Variants in RANBP10 observed in about 807,000 individuals in gnomAD.
The protein encoded by RANBP10 is ran-binding protein 10.
In RANBP10, 24 loss-of-function variants were observed where a neutral mutation model predicts 72.8. The observed-to-expected ratio is 0.33, with a 90% CI of 0.24 to 0.46. RANBP10 has a LOEUF of 0.46. Among genes scored for constraint, RANBP10 ranks in the 20% least tolerant of loss-of-function variants. RANBP10 has a pLI of 1.00. For synonymous variants in RANBP10, 310 were observed against 322.3 expected, an observed-to-expected ratio of 0.96 and a Z score of 0.41; for missense variants, 679 against 817.5, an observed-to-expected ratio of 0.83 and a Z score of 2.07.
Position 67,726,194 on chromosome 16 carries a change from C to A in RANBP10, c.*234G>T, listed in dbSNP as rs2053594224. 2.0e-6 allele frequency: 1 copy of A among 506,460 alleles called. No homozygotes were observed. The highest frequency in any genetic ancestry group is 3.5e-6 in the Non-Finnish European group (1 of 287,186). The allele number at this position is 506,460 out of a possible 1,614,324, so 31.4% of individuals were successfully genotyped here. On this transcript the variant is annotated 3_prime_UTR_variant, in exon 14 of 14. Coordinates refer to ENST00000317506, the MANE Select transcript of RANBP10 (RefSeq NM_020850.3). Reference sequence around the variant, plus strand: ...ATAGAAGGCGCTACATGAGAGTAACCAGCCAATACTGTGTTACAGGCCGCT... The same window carrying A: ...ATAGAAGGCGCTACATGAGAGTAACAAGCCAATACTGTGTTACAGGCCGCT...
Position 67,729,214 on chromosome 16 carries a change from C to A in RANBP10, c.1352+66G>T. Reference sequence around the variant, plus strand: ...GGTGAAGGGCAGGGCGCTCAAAGGACAGACTGCAATGGGCCCAGCTGGCAT... The same window carrying A: ...GGTGAAGGGCAGGGCGCTCAAAGGAAAGACTGCAATGGGCCCAGCTGGCAT... On this transcript the variant is annotated intron_variant, in intron 10 of 13. Coordinates refer to ENST00000317506, the MANE Select transcript of RANBP10 (RefSeq NM_020850.3). The surrounding 1 kb of genome is among the most constrained non-coding windows in gnomAD (Gnocchi z 7.1). 6.3e-7 allele frequency: 1 copy of A among 1,580,290 alleles called. No homozygotes were observed. Among genetic ancestry groups the A allele is most frequent in the Admixed American group, 1.7e-5 (1 of 57,438 alleles).
intron 4 of RANBP10, among the ~76,000 whole-genome samples, chr16:67,742,588 G>T (rs1164067081): frequency 1.3e-5 from 2 of 152,186 alleles, no homozygotes; most frequent in Admixed American, 1.3e-4. Flanking sequence ...GGGACCTTGG[G>T]ACTTGACTGA....
chr16:67,776,445 G>T (rs2054706734), intron 2 of RANBP10, among the ~76,000 whole-genome samples: 1 of 110,060 alleles, frequency 9.1e-6, no homozygotes, highest in Non-Finnish European at 1.7e-5. Flanking sequence ...CCGGACAACA[G>T]ACACGGACTC....
At chr16:67,790,543 T>C (rs944578537) in intron 2 of RANBP10, among the ~76,000 whole-genome samples, 2 of 151,608 alleles carry the variant, frequency 1.3e-5, no homozygotes, top group African/African-American at 2.4e-5. Context: ...GGACCGCATC[T>C]GGCTTTTCCC....
At chr16:67,759,135 C>G (rs2054346126) in intron 3 of RANBP10, among the ~76,000 whole-genome samples, 1 of 152,246 alleles carries the variant, frequency 6.6e-6, no homozygotes, top group Non-Finnish European at 1.5e-5. Context: ...AAATACCAAA[C>G]CACCCTCTGT....
chr16:67,794,473 G>GT (rs2055089215), intron 2 of RANBP10, among the ~76,000 whole-genome samples: 1 of 149,540 alleles, frequency 6.7e-6, no homozygotes. Context: ...GGCCTGCTGT[G>GT]TATTTTTTAA....
rs187190595 is a variant in RANBP10, at chr16:67,742,751, G to A, written c.568+1537C>T. ...GTGAGGAAGGCAGCTATACAAGGGG[G>A]CAGGTGAAGTGGGGCTTGGATACAG... On this transcript the variant is annotated intron_variant, in intron 4 of 13. Transcript: ENST00000317506. Among the ~76,000 whole-genome samples the A allele has an allele frequency of 4.5e-3, 683 of 152,340 alleles. 6 individuals are homozygous for A. Among genetic ancestry groups the A allele is most frequent in the African/African-American group, 0.015 (637 of 41,578 alleles).
At chr16:67,769,767 A>G (rs1185748719) in intron 3 of RANBP10, among the ~76,000 whole-genome samples, 1 of 146,884 alleles carries the variant, frequency 6.8e-6, no homozygotes, top group East Asian at 2.0e-4. Flanking sequence ...AAAAAAAAAA[A>G]AAAAAAAAAG....
intron 6 of RANBP10, among the ~76,000 whole-genome samples, chr16:67,732,545 A>C (rs2053754564): frequency 6.6e-6 from 1 of 152,222 alleles, no homozygotes. Flanking sequence ...GATAATACAC[A>C]TAAAGTACCT....
intron 3 of RANBP10, among the ~76,000 whole-genome samples, chr16:67,744,825 T>C (rs1344225780): frequency 6.6e-6 from 1 of 152,190 alleles, no homozygotes; most frequent in Non-Finnish European, 1.5e-5. Context: ...TTAAAATGTT[T>C]TTTTTGTTTG....
chr16:67,741,713 C>T (rs2053972760), intron 4 of RANBP10, among the ~76,000 whole-genome samples: 1 of 152,204 alleles, frequency 6.6e-6, no homozygotes, highest in South Asian at 2.1e-4. Flanking sequence ...CCCTCAGATT[C>T]CAGCAAGAGA....
At chr16:67,760,086 C>A (rs761877902) in intron 3 of RANBP10, among the ~76,000 whole-genome samples, 1 of 145,854 alleles carries the variant, frequency 6.9e-6, no homozygotes, top group African/African-American at 2.6e-5. Flanking sequence ...GGTGACAGAG[C>A]GAGACTCCGT....
rs1431619870 is a variant in RANBP10 at position 67,795,734 on chromosome 16, A to G, written c.347+9694T>C. Among the ~76,000 whole-genome samples the G allele has an allele frequency of 5.3e-5, 8 of 151,012 alleles. No individual in the cohort carries two copies. The South Asian group carries it at 1.7e-3, about 32-fold the overall frequency. On this transcript the variant is annotated intron_variant, in intron 2 of 13. Transcript: ENST00000317506. Reference sequence around the variant, plus strand: ...GCCAGGTGCGGTGGCGGGCACCTGTAGTCCCAGCTACTCAGGAGGCTGAGG... The same window carrying G: ...GCCAGGTGCGGTGGCGGGCACCTGTGGTCCCAGCTACTCAGGAGGCTGAGG...
Position 67,723,211 on chromosome 16 carries a change from A to G in RANBP10, c.*3217T>C, listed in dbSNP as rs886963515. 3.9e-5 allele frequency: 6 copies of G among 152,650 alleles called. No homozygotes were observed. The highest frequency in any genetic ancestry group is 1.4e-4 in the African/African-American group (6 of 41,452). 9.5% of individuals were successfully genotyped at this position (152,650 alleles called of 1,614,324 possible). On this transcript the variant is annotated 3_prime_UTR_variant, in exon 14 of 14. Coordinates refer to ENST00000317506, the MANE Select transcript of RANBP10 (RefSeq NM_020850.3). ...CTCCCACACCCACAAGTTTCATGCT[A>G]ATGCCAAGTATCAACTCTTGAGGAC... is the stretch of plus-strand genomic sequence containing the variant.
chr16:67,784,610 C>T (rs537182961), intron 2 of RANBP10, among the ~76,000 whole-genome samples: 50 of 151,604 alleles, frequency 3.3e-4, no homozygotes, highest in Admixed American at 1.5e-3. Context: ...GAGCCAAGAT[C>T]GAGTCATTGC....
Position 67,734,972 on chromosome 16 carries a change from G to T in RANBP10, c.662C>A (p.Pro221His). The T allele has an allele frequency of 6.2e-7, 1 of 1,614,102 alleles. No homozygotes were observed. Among genetic ancestry groups the T allele is most frequent in the Non-Finnish European group, 8.5e-7 (1 of 1,179,978 alleles). The part of the protein sequence containing the change: ...EIVDANFGQQ[P>H]FLFDIEDYMR... ...GTAGTCCTCAATGTCAAACAGGAAG[G>T]GCTGCTGCCCAAAGTTGGCGTCCAC... Residue 221 changes from proline to histidine, a missense_variant, in exon 6 of 14, where the codon CCC (proline) becomes CAC (histidine). Pro to His is a moderately conservative substitution (Grantham distance 77). Coordinates refer to ENST00000317506, the MANE Select transcript of RANBP10 (RefSeq NM_020850.3).
At chr16:67,783,077 C>T (rs887749371) in intron 2 of RANBP10, among the ~76,000 whole-genome samples, 3 of 152,092 alleles carry the variant, frequency 2.0e-5, no homozygotes, top group African/African-American at 4.8e-5. Context: ...TGCATCACAA[C>T]AGTACAGCTT....
intron 12 of RANBP10, 61 bp from the exon 13 acceptor site, chr16:67,727,499 G>C: frequency 6.7e-7 from 1 of 1,501,734 alleles, no homozygotes; most frequent in Non-Finnish European, 9.1e-7. Context: ...CCTGCTACCC[G>C]TGGCTCCAGA....
chr16:67,729,408 G>A lies in RANBP10; in HGVS notation c.1224C>T (p.Pro408=). ...SKQNHSKYPA[P]SSSSSSSSSS... ...AGGAGGAGGACGAGGATGAGGAGCT[G>A]GGTGCAGGGTATTTACTGTGGTTCT... is the stretch of plus-strand genomic sequence containing the variant. The change falls in exon 10 of 14, where the codon CCC becomes CCT. Residue 408 remains proline, a synonymous_variant. Coordinates refer to ENST00000317506, the MANE Select transcript of RANBP10 (RefSeq NM_020850.3). This position sits in a 1 kb window ranked among gnomAD's most constrained non-coding sequence, Gnocchi z 7.1. 1 of 1,613,866 alleles carries A rather than the reference G, an allele frequency of 6.2e-7. No homozygotes were observed. The highest frequency in any genetic ancestry group is 1.3e-5 in the African/African-American group (1 of 75,006).
Sources: allele counts gnomAD v4.1 joint callset (sites outside exome capture counted in the v4.1 genomes callset), GRCh38; gene constraint gnomAD v4.1.1; non-coding constraint Gnocchi (gnomAD v3.1); transcripts MANE v1.5; gene names NCBI Gene and HGNC (gene_info 2026-07-23, HGNC 2026-07-21).